Variants in NPAS3 observed in about 807,000 individuals in gnomAD.
The protein encoded by NPAS3 is neuronal PAS domain-containing protein 3.
In NPAS3, 14 loss-of-function variants were observed where a neutral mutation model predicts 73.1. The observed-to-expected ratio is 0.19, with a 90% CI of 0.13 to 0.30. NPAS3 has a LOEUF of 0.30. NPAS3 is among the 10% of genes least tolerant of loss of function. NPAS3 has a pLI of 1.00. For synonymous variants in NPAS3, 620 were observed against 541.5 expected (o/e 1.14, Z -2.01); for missense variants, 1,096 against 1,250.0 (o/e 0.88, Z 1.86).
chr14:33,306,199 A>G (rs967371173), intron 3 of NPAS3, among the ~76,000 whole-genome samples: 3 of 133,836 alleles, frequency 2.2e-5, no homozygotes, highest in Admixed American at 7.6e-5. Context: ...CAAAAACTCC[A>G]GGTTATTTTT....
At chr14:33,500,551 ATTG>A (rs1227449863) in intron 4 of NPAS3, among the ~76,000 whole-genome samples, 1 of 151,882 alleles carries the variant, frequency 6.6e-6, no homozygotes. Flanking sequence ...AGTTGTTGTT[ATTG>A]TTGTTCTTTC....
chr14:33,111,478 A>G (rs993086161), intron 2 of NPAS3, among the ~76,000 whole-genome samples: 4 of 152,184 alleles, frequency 2.6e-5, no homozygotes, highest in Non-Finnish European at 5.9e-5. Context: ...TAATTCACAA[A>G]GCAAACCAAC....
intron 5 of NPAS3, among the ~76,000 whole-genome samples, chr14:33,621,759 T>TA (rs1015423602): frequency 1.3e-5 from 2 of 151,372 alleles, no homozygotes; most frequent in Non-Finnish European, 2.9e-5. Flanking sequence ...CTACAAGGGG[T>TA]AAAAAAATGA....
intron 5 of NPAS3, among the ~76,000 whole-genome samples, chr14:33,586,864 C>A (rs1225541240): frequency 6.6e-6 from 1 of 152,068 alleles, no homozygotes. Flanking sequence ...TCATGCAACT[C>A]GAGAAATGCT....
chr14:33,745,604 G>T (rs118122342), intron 7 of NPAS3, among the ~76,000 whole-genome samples: 2,802 of 152,282 alleles, frequency 0.018, 36 homozygotes, highest in Middle Eastern at 0.044. Context: ...TTCATGTATA[G>T]AGGTGAATCT....
chr14:33,748,770 C>T (rs923279591), intron 7 of NPAS3, among the ~76,000 whole-genome samples: 1 of 152,190 alleles, frequency 6.6e-6, no homozygotes, highest in African/African-American at 2.4e-5. Flanking sequence ...AGTACCTACC[C>T]TTGAGCTTCA....
At chr14:33,498,913 TGAGA>T (rs1167526513) in intron 4 of NPAS3, among the ~76,000 whole-genome samples, 5 of 145,118 alleles carry the variant, frequency 3.4e-5, no homozygotes, top group Non-Finnish European at 6.0e-5. Context: ...TTTAAATGAA[TGAGA>T]GAGAGAGACA....
rs1170746018 is a variant in NPAS3, at chr14:33,362,946, G to A, written c.386-4240G>A. On this transcript the variant is annotated intron_variant, in intron 3 of 11. Transcript: ENST00000356141. The stretch of plus-strand genomic sequence containing the variant: ...GATCCCTCCAATAGCAAGCCCCTCT[G>A]TGGCTCTCTGCCTGTGGTCCACCTT... Among the ~76,000 whole-genome samples the A allele has an allele frequency of 3.9e-5, 6 of 152,240 alleles. No homozygotes were observed. The Middle Eastern group carries it at 0.01, about 259-fold the overall frequency.
chr14:32,957,435 G>A (rs1421561161), intron 1 of NPAS3, among the ~76,000 whole-genome samples: 1 of 149,836 alleles, frequency 6.7e-6, no homozygotes, highest in Admixed American at 6.7e-5. Flanking sequence ...GCAGTGGTGC[G>A]ATCTCGGCTC....
intron 7 of NPAS3, among the ~76,000 whole-genome samples, chr14:33,766,116 G>C (rs1014227545): frequency 7.9e-5 from 12 of 152,156 alleles, no homozygotes; most frequent in African/African-American, 2.9e-4. Flanking sequence ...AATAATTTGG[G>C]TGTTGAACAA....
At position 33,051,548 on chromosome 14, in the gene NPAS3, G is replaced by T. The variant is rs1287064725; in HGVS notation, c.51-4357G>T. 2.0e-5 allele frequency among the ~76,000 whole-genome samples: 3 copies of T among 152,128 alleles called. No individual in the cohort carries two copies. In the East Asian group the frequency reaches 5.8e-4, roughly 29 times the overall value. On this transcript the variant is annotated intron_variant, in intron 1 of 11. Transcript: ENST00000356141. ...TACAGGGCAAAAAATTTTGTTTTGT[G>T]TGATTGATGCAGCTTTCAAATTCCA...
Position 32,997,723 on chromosome 14 carries a change from G to T in NPAS3, c.51-58182G>T, listed in dbSNP as rs144522964. 5.1e-3 allele frequency among the ~76,000 whole-genome samples: 757 copies of T among 147,360 alleles called. 9 individuals carry two copies. The highest frequency in any genetic ancestry group is 0.018 in the African/African-American group (720 of 39,466). On this transcript the variant is annotated intron_variant, in intron 1 of 11. Coordinates refer to ENST00000356141, the Ensembl canonical transcript of NPAS3. ...GTGGATCACGAGGTCAGGAGATGGA[G>T]ACCATCCTGGCTAACACGGTGAAAC...
chr14:32,948,272 G>T (rs114628275), intron 1 of NPAS3, among the ~76,000 whole-genome samples: 1,814 of 152,158 alleles, frequency 0.012, 33 homozygotes, highest in African/African-American at 0.041. Flanking sequence ...GGATGTCAAA[G>T]TTGTCCAAAA....
At chr14:33,569,838 G>T (rs1273753902) in intron 5 of NPAS3, among the ~76,000 whole-genome samples, 3 of 152,102 alleles carry the variant, frequency 2.0e-5, no homozygotes, top group African/African-American at 7.2e-5. Context: ...AAACGTTCTT[G>T]TCCTTATAAA....
chr14:33,058,300 T>C (rs1299619053), intron 2 of NPAS3, among the ~76,000 whole-genome samples: 1 of 152,186 alleles, frequency 6.6e-6, no homozygotes, highest in Non-Finnish European at 1.5e-5. Flanking sequence ...TTTAAAAACA[T>C]TTCTACATCA....
chr14:33,799,676 G>T, intron 11 of NPAS3, 58 bp from the exon 12 acceptor site: 5 of 1,536,134 alleles, frequency 3.3e-6, no homozygotes, highest in Non-Finnish European at 4.4e-6. Flanking sequence ...CGCTAACCTG[G>T]TGTCTTCTCT....
At chr14:33,596,416 C>A (rs2057244050) in intron 5 of NPAS3, among the ~76,000 whole-genome samples, 1 of 152,162 alleles carries the variant, frequency 6.6e-6, no homozygotes, top group Non-Finnish European at 1.5e-5. Flanking sequence ...TTCTTTTGTA[C>A]CACAGCCTTG....
At chr14:32,970,595 G>A (rs557591585) in intron 1 of NPAS3, among the ~76,000 whole-genome samples, 52 of 152,230 alleles carry the variant, frequency 3.4e-4, no homozygotes, top group African/African-American at 6.3e-4. Flanking sequence ...GCAGCCTTAC[G>A]TCTTTTCATT....
intron 4 of NPAS3, among the ~76,000 whole-genome samples, chr14:33,530,961 G>C (rs1318779607): frequency 6.6e-6 from 1 of 152,046 alleles, no homozygotes; most frequent in East Asian, 1.9e-4. Flanking sequence ...CTGCAAGTAT[G>C]GGAAATATTC....
Sources: allele counts gnomAD v4.1 joint callset (sites outside exome capture counted in the v4.1 genomes callset), GRCh38; gene constraint gnomAD v4.1.1; transcripts MANE v1.5; gene names NCBI Gene and HGNC (gene_info 2026-07-23, HGNC 2026-07-21).